The following SPG11 variants were observed in gnomAD, a reference collection of about 807,000 sequenced individuals.
SPG11 encodes the protein SPG11 vesicle trafficking associated, spatacsin.
A neutral mutation model predicts 274.0 loss-of-function variants in SPG11; 222 were observed. The observed-to-expected ratio is 0.81, with a 90% CI of 0.73 to 0.91. SPG11 has a LOEUF of 0.91. SPG11 is among the 40% of genes least tolerant of loss of function. The probability of loss-of-function intolerance (pLI) is 0.00; values close to 1 mark genes in which losing one functional copy is unlikely to be tolerated. For missense variants in SPG11, 3,114 were observed against 2,872.7 expected (o/e 1.08, Z -1.92); for synonymous variants, 1,144 against 1,039.7 (o/e 1.10, Z -1.93).
intron 30 of SPG11, among the ~76,000 whole-genome samples, chr15:44,578,016 TTCC>T (rs1323295928): frequency 2.7e-5 from 4 of 147,342 alleles, no homozygotes; most frequent in African/African-American, 1.0e-4. Flanking sequence ...GGAGCCTTCT[TTCC>T]TTTTTTTTTT....
chr15:44,643,128 C>T (rs149374256), intron 7 of SPG11, among the ~76,000 whole-genome samples: 111 of 152,278 alleles, frequency 7.3e-4, no homozygotes, highest in South Asian at 6.2e-4. Context: ...TAAATTCACA[C>T]AGAGACATGT....
At position 44,570,391 on chromosome 15, in the gene SPG11, A is replaced by G. The variant is rs940595657; in HGVS notation, c.6477+134T>C. 10 of 1,123,830 alleles carry G rather than the reference A, an allele frequency of 8.9e-6. No individual in the cohort carries two copies. The African/African-American group carries it at 1.4e-4, about 16-fold the overall frequency. The allele number at this position is 1,123,830 out of a possible 1,614,324, so 69.6% of individuals were successfully genotyped here. ...AGCAGAGGGTTGGGCTGCCCAGCCAACTCTCAAGTAGGTAGTGGTATCCAG... is the reference window on the plus strand; with the variant it reads ...AGCAGAGGGTTGGGCTGCCCAGCCAGCTCTCAAGTAGGTAGTGGTATCCAG... On this transcript the variant is annotated intron_variant, in intron 34 of 39. Coordinates refer to ENST00000261866, the MANE Select transcript of SPG11 (RefSeq NM_025137.4).
At chr15:44,624,755 C>A (rs1368039002) in intron 11 of SPG11, among the ~76,000 whole-genome samples, 1 of 152,114 alleles carries the variant, frequency 6.6e-6, no homozygotes, top group African/African-American at 2.4e-5. Flanking sequence ...AATGTACATA[C>A]ATATCAAAAC....
rs2084275682 is a variant in SPG11, at chr15:44,636,925, C to CAAAAAAAAAAAAACAAAAAA, written c.1603-3289_1603-3288insTTTTTTGTTTTTTTTTTTTT. 1.3e-3 allele frequency among the ~76,000 whole-genome samples: 26 copies of CAAAAAAAAAAAAACAAAAAA among 19,434 alleles called. 2 individuals are homozygous for CAAAAAAAAAAAAACAAAAAA. Among genetic ancestry groups the CAAAAAAAAAAAAACAAAAAA allele is most frequent in the Admixed American group, 5.4e-3 (7 of 1,302 alleles). 12.7% of individuals were successfully genotyped at this position (19,434 alleles called of 152,430 possible). On this transcript the variant is annotated intron_variant, in intron 7 of 39. Transcript: ENST00000261866. ...TGGGCAACAGAGCAAGACTCCATCT[C>CAAAAAAAAAAAAACAAAAAA]AAAAAAAAAAAAAAAAAAAAAAAAA...
At chr15:44,659,842 CT>C (rs2085052981) in intron 2 of SPG11, among the ~76,000 whole-genome samples, 1 of 152,170 alleles carries the variant, frequency 6.6e-6, no homozygotes, top group East Asian at 1.9e-4. Context: ...GGGCAGATCA[CT>C]TGAGGTCAGG....
intron 7 of SPG11, among the ~76,000 whole-genome samples, chr15:44,647,539 T>A: frequency 6.6e-6 from 1 of 152,092 alleles, no homozygotes; most frequent in East Asian, 1.9e-4. Flanking sequence ...GATGAATGGA[T>A]AAACAAAATG....
chr15:44,591,389 T>A (rs573089604), intron 27 of SPG11, among the ~76,000 whole-genome samples: 1 of 152,332 alleles, frequency 6.6e-6, no homozygotes, highest in East Asian at 1.9e-4. Context: ...CTCCTGAGTG[T>A]CCTTGTTAAA....
intron 7 of SPG11, among the ~76,000 whole-genome samples, chr15:44,648,261 C>A (rs1323613451): frequency 1.9e-4 from 29 of 152,052 alleles, no homozygotes; most frequent in Admixed American, 1.9e-3. Context: ...CTCCTGTAAT[C>A]CCAGCACTCT....
chr15:44,620,502 G>C (rs1231333667), intron 14 of SPG11, 99 bp from the exon 15 acceptor site: 6 of 845,888 alleles, frequency 7.1e-6, no homozygotes, highest in Middle Eastern at 3.4e-4. Context: ...TCTGGACATA[G>C]ATATTTATAC....
Position 44,628,714 on chromosome 15 carries a change from G to A in SPG11, c.2022C>T (p.Val674=), listed in dbSNP as rs763196589. ...ATATATTGCTCTCCTTTACTTTGGG[G>A]ACATTTTCATGTACATCATATTCAT... is the stretch of plus-strand genomic sequence containing the variant. ...AIDEYDVHEN[V]PKVKESNIWK... The change falls in exon 10 of 40, where the codon GTC becomes GTT. Residue 674 remains valine, a synonymous_variant. Coordinates refer to ENST00000261866, the MANE Select transcript of SPG11 (RefSeq NM_025137.4). 1.4e-5 allele frequency: 22 copies of A among 1,613,692 alleles called. No individual in the cohort carries two copies. The highest frequency in any genetic ancestry group is 1.8e-5 in the Non-Finnish European group (21 of 1,179,908).
chr15:44,595,605 T>A, intron 25 of SPG11, 146 bp from the exon 26 acceptor site: 1 of 894,902 alleles, frequency 1.1e-6, no homozygotes, highest in Non-Finnish European at 1.8e-6. Context: ...TGAAACAAAC[T>A]AATGAGCAAC....
intron 7 of SPG11, among the ~76,000 whole-genome samples, chr15:44,635,230 A>G (rs2084203245): frequency 6.6e-6 from 1 of 151,854 alleles, no homozygotes; most frequent in Non-Finnish European, 1.5e-5. Context: ...AACAAAAACA[A>G]AAACAAAAGA....
At position 44,608,447 on chromosome 15, in the gene SPG11, A is replaced by T. The variant is rs757993225; in HGVS notation, c.3450T>A (p.Ile1150=). 1 of 1,614,048 alleles carries T rather than the reference A, an allele frequency of 6.2e-7. No individual in the cohort carries two copies. Among genetic ancestry groups the T allele is most frequent in the Non-Finnish European group, 8.5e-7 (1 of 1,179,970 alleles). ...LPSDITIYHL[I]QSLSPFDPSR... is the part of the protein sequence containing the mutation. Reference sequence around the variant, plus strand: ...ATTGGCCACCTAAATACTGTACCTGAATAAGGTGGTAGATTGTAATATCAG... The same window carrying T: ...ATTGGCCACCTAAATACTGTACCTGTATAAGGTGGTAGATTGTAATATCAG... The change falls in exon 19 of 40, where the codon ATT becomes ATA. Residue 1150 remains isoleucine (I), a synonymous_variant. Coordinates refer to ENST00000261866, the MANE Select transcript of SPG11 (RefSeq NM_025137.4).
intron 17 of SPG11, among the ~76,000 whole-genome samples, chr15:44,612,732 T>A (rs1399234792): frequency 1.4e-5 from 2 of 146,664 alleles, no homozygotes; most frequent in African/African-American, 5.0e-5. Context: ...TGGCTTCTAA[T>A]TTTTTTTTTT....
intron 15 of SPG11, among the ~76,000 whole-genome samples, chr15:44,618,188 G>A (rs1047776111): frequency 4.6e-5 from 7 of 152,064 alleles, no homozygotes; most frequent in Non-Finnish European, 8.8e-5. Context: ...TTGGCTAAAA[G>A]GATTTTTCTA....
chr15:44,611,091 T>TA (rs35831490), intron 17 of SPG11, 106 bp from the exon 18 acceptor site: 1,750 of 69,942 alleles, frequency 0.025, 47 homozygotes, highest in African/African-American at 0.03. Context: ...CTATCCCCAG[T>TA]AAAAAAAAAA....
At chr15:44,607,239 T>C (rs1255014074) in intron 19 of SPG11, among the ~76,000 whole-genome samples, 2 of 152,232 alleles carry the variant, frequency 1.3e-5, no homozygotes, top group Admixed American at 6.5e-5. Flanking sequence ...GTCAATACCC[T>C]AAGAAGTCTC....
Position 44,651,899 on chromosome 15 carries a change from T to G in SPG11, c.1048A>C (p.Lys350Gln). 1 of 1,612,820 alleles carries G rather than the reference T, an allele frequency of 6.2e-7. No homozygotes were observed. The highest frequency in any genetic ancestry group is 8.5e-7 in the Non-Finnish European group (1 of 1,179,746). ...CAGGAAACCTCCAGTTTGGAGTTCT[T>G]TATTGTTTCATTCAATGATGATAGC... ...AQLSSLNETI[K>Q]NSKLEVSCCA... The change falls in exon 6 of 40, where the codon AAG becomes CAG. Residue 350 changes from lysine (K) to glutamine (Q), a missense_variant. Physicochemically the swap from Lys to Gln is moderately conservative, Grantham distance 53. Coordinates refer to ENST00000261866, the MANE Select transcript of SPG11 (RefSeq NM_025137.4).
intron 20 of SPG11, among the ~76,000 whole-genome samples, chr15:44,601,516 C>T (rs1416037285): frequency 6.6e-6 from 1 of 150,622 alleles, no homozygotes; most frequent in African/African-American, 2.4e-5. Context: ...CTGCCTTGGC[C>T]TCCCAGAGTG....
Sources: allele counts gnomAD v4.1 joint callset (sites outside exome capture counted in the v4.1 genomes callset), GRCh38; gene constraint gnomAD v4.1.1; transcripts MANE v1.5; gene names NCBI Gene and HGNC (gene_info 2026-07-23, HGNC 2026-07-21).